LRMDA: variants seen among roughly 807,000 people sequenced by gnomAD.
LRMDA encodes the protein leucine-rich melanocyte differentiation-associated protein.
In LRMDA, 18 loss-of-function variants were observed where a neutral mutation model predicts 29.8. The ratio of observed to expected loss-of-function variants is 0.60; its 90% CI spans 0.42 to 0.90. The LOEUF is 0.90. Among genes scored for constraint, LRMDA ranks in the 40% least tolerant of loss-of-function variants. The pLI is 0.00. For synonymous variants in LRMDA, 125 were observed against 109.4 expected, an observed-to-expected ratio of 1.14 and a Z score of -0.89; for missense variants, 273 against 273.9, an observed-to-expected ratio of 1.00 and a Z score of 0.02.
intron 5 of LRMDA, among the ~76,000 whole-genome samples, chr10:76,256,415 A>G (rs1458633924): frequency 1.3e-5 from 2 of 152,190 alleles, no homozygotes; most frequent in Non-Finnish European, 2.9e-5. Context: ...AGTCCTTTGG[A>G]GAATGTAATT....
At chr10:75,829,090 T>G (rs1241831517) in intron 2 of LRMDA, among the ~76,000 whole-genome samples, 1 of 152,164 alleles carries the variant, frequency 6.6e-6, no homozygotes. Context: ...GATTCAAAAG[T>G]TAGTCTTGGC....
chr10:75,973,576 G>A (rs909534016), intron 2 of LRMDA, among the ~76,000 whole-genome samples: 16 of 151,980 alleles, frequency 1.1e-4, no homozygotes, highest in Non-Finnish European at 2.1e-4. Context: ...CTGCCACCAC[G>A]CCTGGCTAAT....
chr10:75,762,769 G>A (rs934311061), intron 2 of LRMDA, among the ~76,000 whole-genome samples: 4 of 152,126 alleles, frequency 2.6e-5, no homozygotes, highest in African/African-American at 9.7e-5. Flanking sequence ...GTAAGCCCTC[G>A]ATAGATGTTA....
At chr10:75,820,419 T>C (rs562183047) in intron 2 of LRMDA, among the ~76,000 whole-genome samples, 1 of 152,238 alleles carries the variant, frequency 6.6e-6, no homozygotes, top group South Asian at 2.1e-4. Context: ...GGGTCAATGA[T>C]GAAATTAAGT....
At chr10:75,739,187 C>T (rs1443997281) in intron 2 of LRMDA, among the ~76,000 whole-genome samples, 7 of 152,162 alleles carry the variant, frequency 4.6e-5, no homozygotes, top group African/African-American at 1.4e-4. Context: ...CTGGTAGTCT[C>T]GGGTCAGAGT....
intron 6 of LRMDA, among the ~76,000 whole-genome samples, chr10:76,472,106 G>A (rs561087664): frequency 1.3e-5 from 2 of 151,732 alleles, no homozygotes; most frequent in Admixed American, 6.6e-5. Flanking sequence ...CTTCCACCCA[G>A]CAACATCAGA....
At chr10:76,368,165 C>G (rs1841413745) in intron 6 of LRMDA, among the ~76,000 whole-genome samples, 1 of 151,958 alleles carries the variant, frequency 6.6e-6, no homozygotes, top group Non-Finnish European at 1.5e-5. Context: ...GTTCTTGTTT[C>G]TCTAGTTTTT....
chr10:76,033,906 C>A (rs566193925), intron 2 of LRMDA, among the ~76,000 whole-genome samples: 1 of 151,892 alleles, frequency 6.6e-6, no homozygotes, highest in Non-Finnish European at 1.5e-5. Flanking sequence ...TTCATGGGCC[C>A]GTCCCCTGCA....
chr10:76,487,333 G>T (rs769056899), intron 6 of LRMDA, among the ~76,000 whole-genome samples: 3 of 151,876 alleles, frequency 2.0e-5, no homozygotes, highest in Non-Finnish European at 4.4e-5. Flanking sequence ...GATATCAGGG[G>T]CTTGAAGTTG....
chr10:76,365,105 T>TACAC (rs1446679435), intron 6 of LRMDA, among the ~76,000 whole-genome samples: 417 of 14,398 alleles, frequency 0.029, 15 homozygotes, highest in African/African-American at 0.11. Flanking sequence ...TATATATATA[T>TACAC]ATACACACAC....
chr10:76,235,205 A>T (rs538496089), intron 5 of LRMDA, among the ~76,000 whole-genome samples: 194 of 152,232 alleles, frequency 1.3e-3, no homozygotes, highest in Non-Finnish European at 2.1e-3. Flanking sequence ...AGATGGGGAA[A>T]CAGTCAGTTG....
intron 5 of LRMDA, among the ~76,000 whole-genome samples, chr10:76,315,912 AATGACCTGCCTGC>A (rs1018830931): frequency 1.3e-5 from 2 of 152,008 alleles, no homozygotes; most frequent in African/African-American, 4.8e-5. Context: ...TCCCCACTCC[AATGACCTGCCTGC>A]AGAAAGGAGC....
intron 2 of LRMDA, among the ~76,000 whole-genome samples, chr10:75,581,108 A>G (rs573056651): frequency 6.6e-6 from 1 of 152,350 alleles, no homozygotes; most frequent in East Asian, 1.9e-4. Context: ...ACAGGAAAAG[A>G]AACTATTATC....
chr10:75,453,250 C>T (rs191351515), intron 2 of LRMDA, among the ~76,000 whole-genome samples: 261 of 152,298 alleles, frequency 1.7e-3, no homozygotes, highest in Non-Finnish European at 2.7e-3. Flanking sequence ...GACCTTTGTC[C>T]AAATGTGGCA....
At chr10:75,773,845 C>T (rs1843274680) in intron 2 of LRMDA, among the ~76,000 whole-genome samples, 1 of 152,236 alleles carries the variant, frequency 6.6e-6, no homozygotes, top group Non-Finnish European at 1.5e-5. Context: ...CTAATGCTCA[C>T]ATTACTTACC....
chr10:76,534,066 A>G (rs1411011490), intron 6 of LRMDA, among the ~76,000 whole-genome samples: 1 of 152,186 alleles, frequency 6.6e-6, no homozygotes, highest in East Asian at 1.9e-4. Flanking sequence ...TTTGCCCCAC[A>G]GGTCAAGGCA....
intron 2 of LRMDA, among the ~76,000 whole-genome samples, chr10:75,903,415 T>A (rs7085352): frequency 2.0e-5 from 3 of 152,200 alleles, no homozygotes; most frequent in Admixed American, 6.5e-5. Flanking sequence ...TCATTACTAT[T>A]GCCATTATTG....
intron 5 of LRMDA, among the ~76,000 whole-genome samples, chr10:76,254,764 T>C (rs1260242138): frequency 6.6e-6 from 1 of 152,212 alleles, no homozygotes; most frequent in African/African-American, 2.4e-5. Context: ...CAAGGTGTTC[T>C]CTTCCACTGT....
intron 5 of LRMDA, among the ~76,000 whole-genome samples, chr10:76,101,480 T>C (rs1217706561): frequency 6.6e-6 from 1 of 152,228 alleles, no homozygotes; most frequent in Non-Finnish European, 1.5e-5. Context: ...CTCATGCCTG[T>C]AATCCCAACA....
Sources: gnomAD v4.1 joint callset for allele counts (sites outside exome capture counted in the v4.1 genomes callset) on GRCh38, gnomAD v4.1.1 for gene constraint, MANE v1.5 for transcripts, NCBI Gene and HGNC (gene_info 2026-07-23, HGNC 2026-07-21) for gene names.